Variants in NDST4 observed in about 807,000 individuals in gnomAD.
The protein encoded by NDST4 is N-heparan sulfate sulfotransferase 4.
Under a neutral mutation model 100.8 loss-of-function variants are expected in NDST4, and 63 were observed. The ratio of observed to expected loss-of-function variants is 0.62; its 90% CI spans 0.51 to 0.77. The LOEUF is 0.77. Among genes scored for constraint, NDST4 ranks in the 30% least tolerant of loss-of-function variants. NDST4 has a pLI of 0.00. For missense variants in NDST4, 943 were observed against 1,018.4 expected, an observed-to-expected ratio of 0.93 and a Z score of 1.01; for synonymous variants, 377 against 361.8, an observed-to-expected ratio of 1.04 and a Z score of -0.48.
At chr4:115,012,315 TA>T (rs1210564459) in intron 2 of NDST4, among the ~76,000 whole-genome samples, 3 of 152,146 alleles carry the variant, frequency 2.0e-5, no homozygotes, top group African/African-American at 7.2e-5. Context: ...AGCTTTCATT[TA>T]TAAAAGGCTG....
chr4:114,886,926 CAGAGA>C (rs1052401436), intron 6 of NDST4, among the ~76,000 whole-genome samples: 3 of 152,040 alleles, frequency 2.0e-5, no homozygotes, highest in African/African-American at 7.2e-5. Flanking sequence ...CACAGGAGAG[CAGAGA>C]AAAGTGAAAA....
At chr4:114,843,869 A>G (rs961650061) in intron 10 of NDST4, among the ~76,000 whole-genome samples, 1 of 152,128 alleles carries the variant, frequency 6.6e-6, no homozygotes, top group African/African-American at 2.4e-5. Flanking sequence ...TGATTCACAA[A>G]TATCTAGCTC....
At chr4:114,848,906 G>A (rs1278779858) in intron 8 of NDST4, among the ~76,000 whole-genome samples, 1 of 152,192 alleles carries the variant, frequency 6.6e-6, no homozygotes, top group Non-Finnish European at 1.5e-5. Context: ...TGTGGGACAG[G>A]TGCCATAATG....
At chr4:114,851,663 A>G (rs1723678610) in intron 8 of NDST4, among the ~76,000 whole-genome samples, 1 of 152,200 alleles carries the variant, frequency 6.6e-6, no homozygotes, top group African/African-American at 2.4e-5. Context: ...GTCACTCCAG[A>G]GTTAGCAATG....
intron 1 of NDST4, among the ~76,000 whole-genome samples, chr4:115,103,398 T>C (rs1439696492): frequency 1.3e-5 from 2 of 152,188 alleles, no homozygotes; most frequent in East Asian, 3.9e-4. Context: ...AAATCTCTTC[T>C]TTCATTGCCA....
At chr4:114,945,553 T>C (rs538902620) in intron 4 of NDST4, among the ~76,000 whole-genome samples, 10 of 152,300 alleles carry the variant, frequency 6.6e-5, no homozygotes, top group Non-Finnish European at 1.3e-4. Flanking sequence ...AGGTGTTTAA[T>C]AAATTAGTGT....
At chr4:114,918,313 A>G (rs1011977147) in intron 6 of NDST4, among the ~76,000 whole-genome samples, 1 of 145,950 alleles carries the variant, frequency 6.9e-6, no homozygotes, top group African/African-American at 2.5e-5. Flanking sequence ...TCTCAGAAAG[A>G]TGTTGTAAAA....
intron 6 of NDST4, among the ~76,000 whole-genome samples, chr4:114,871,449 C>T (rs150013586): frequency 6.6e-6 from 1 of 152,092 alleles, no homozygotes; most frequent in Non-Finnish European, 1.5e-5. Context: ...TAGCCAGAAA[C>T]TTTTCCCCAC....
At chr4:115,092,480 T>C (rs1729539240) in intron 1 of NDST4, among the ~76,000 whole-genome samples, 1 of 150,032 alleles carries the variant, frequency 6.7e-6, no homozygotes, top group Non-Finnish European at 1.5e-5. Context: ...TGTCAGTTAG[T>C]CTAAATGAAC....
At chr4:114,922,099 C>T (rs527477615) in intron 6 of NDST4, among the ~76,000 whole-genome samples, 3 of 152,094 alleles carry the variant, frequency 2.0e-5, no homozygotes, top group African/African-American at 7.2e-5. Context: ...GATGGTCAGG[C>T]GGTTGTTAAC....
intron 6 of NDST4, among the ~76,000 whole-genome samples, chr4:114,911,446 C>T (rs1725060137): frequency 6.6e-6 from 1 of 152,152 alleles, no homozygotes; most frequent in Admixed American, 6.5e-5. Context: ...ATGTAACTCC[C>T]ATTTATTGAC....
intron 2 of NDST4, among the ~76,000 whole-genome samples, chr4:115,001,465 G>T (rs75405281): frequency 0.015 from 2,266 of 150,512 alleles, 63 homozygotes; most frequent in African/African-American, 0.051. Context: ...AGATTCATGG[G>T]TTTTTTTTTC....
intron 3 of NDST4, among the ~76,000 whole-genome samples, chr4:114,976,680 GT>G (rs1726640606): frequency 6.6e-6 from 1 of 151,884 alleles, no homozygotes; most frequent in Non-Finnish European, 1.5e-5. Flanking sequence ...TGGTAATATT[GT>G]TTTAGGGAAA....
intron 6 of NDST4, among the ~76,000 whole-genome samples, chr4:114,901,501 T>C (rs1282226824): frequency 6.6e-6 from 1 of 152,032 alleles, no homozygotes; most frequent in Non-Finnish European, 1.5e-5. Context: ...CGTTTATTTA[T>C]TTTTAATCTA....
chr4:115,089,856 T>C (rs1729481082), intron 1 of NDST4, among the ~76,000 whole-genome samples: 1 of 151,920 alleles, frequency 6.6e-6, no homozygotes, highest in Non-Finnish European at 1.5e-5. Context: ...TTACTGATTA[T>C]CAACCAGACC....
At chr4:114,867,681 A>AG (rs1724063318) in intron 7 of NDST4, among the ~76,000 whole-genome samples, 1 of 144,376 alleles carries the variant, frequency 6.9e-6, no homozygotes, top group African/African-American at 2.6e-5. Context: ...AAAAAAAAAA[A>AG]AGAAAGAAAA....
intron 2 of NDST4, among the ~76,000 whole-genome samples, chr4:114,985,577 T>C (rs998250844): frequency 1.3e-5 from 2 of 152,206 alleles, no homozygotes; most frequent in Non-Finnish European, 2.9e-5. Context: ...GCTACATAAA[T>C]TATGCTAGGT....
chr4:114,996,126 T>G (rs1007154136), intron 2 of NDST4, among the ~76,000 whole-genome samples: 21 of 152,118 alleles, frequency 1.4e-4, no homozygotes, highest in Non-Finnish European at 2.8e-4. Context: ...CCTTGAATTG[T>G]AATCCCCATA....
intron 1 of NDST4, among the ~76,000 whole-genome samples, chr4:115,086,771 T>G (rs184773219): frequency 1.7e-3 from 259 of 152,212 alleles, no homozygotes; most frequent in African/African-American, 5.9e-3. Flanking sequence ...AGAAAGGACA[T>G]GATTTTTTAA....
Sources: allele counts gnomAD v4.1 joint callset (sites outside exome capture counted in the v4.1 genomes callset), GRCh38; gene constraint gnomAD v4.1.1; transcripts MANE v1.5; gene names NCBI Gene and HGNC (gene_info 2026-07-23, HGNC 2026-07-21).